CFAP74: variants seen among roughly 807,000 people sequenced by gnomAD.
CFAP74 encodes cilia and flagella associated protein 74.
A neutral mutation model predicts 188.9 loss-of-function variants in CFAP74; 124 were observed. The observed-to-expected ratio is 0.66, with a 90% CI of 0.57 to 0.76. The LOEUF (loss-of-function observed/expected upper bound fraction) is 0.76. Among genes scored for constraint, CFAP74 ranks in the 30% least tolerant of loss-of-function variants. The probability of loss-of-function intolerance (pLI) is 0.00; values close to 1 mark genes in which losing one functional copy is unlikely to be tolerated. For missense variants in CFAP74, 2,198 were observed against 2,165.2 expected (o/e 1.02, Z -0.30); for synonymous variants, 956 against 916.7 (o/e 1.04, Z -0.77).
At chr1:1,971,381 G>A (rs1214499157) in intron 9 of CFAP74, among the ~76,000 whole-genome samples, 1 of 150,610 alleles carries the variant, frequency 6.6e-6, no homozygotes, top group Non-Finnish European at 1.5e-5. Context: ...GGTCACACAT[G>A]CACACACGTG....
At chr1:1,931,156 A>G (rs879457045) in intron 25 of CFAP74, among the ~76,000 whole-genome samples, 1 of 152,220 alleles carries the variant, frequency 6.6e-6, no homozygotes, top group Non-Finnish European at 1.5e-5. Flanking sequence ...AAAGGCTGGC[A>G]TGGTGGCTCA....
chr1:1,944,595 A>T (rs1653622273), intron 20 of CFAP74, 143 bp from the exon 21 acceptor site: 6 of 807,710 alleles, frequency 7.4e-6, no homozygotes, highest in Non-Finnish European at 1.1e-5. Flanking sequence ...CACTTTTCAT[A>T]TCATATCATT....
At chr1:1,991,995 G>C (rs375610792) in intron 1 of CFAP74, among the ~76,000 whole-genome samples, 1 of 150,062 alleles carries the variant, frequency 6.7e-6, no homozygotes, top group Non-Finnish European at 1.5e-5. Flanking sequence ...AGCCGAGATC[G>C]CGCCACTGCA....
chr1:1,995,364 TC>T lies in CFAP74; in HGVS notation c.-19-4390del, dbSNP rs961179824. Reference sequence around the variant, plus strand: ...AAAATTAGCCGGGCGTGATGGCGCATCCCTGTAATCCCAGCTACTTAGGAGG... The same window carrying T: ...AAAATTAGCCGGGCGTGATGGCGCATCCTGTAATCCCAGCTACTTAGGAGG... On this transcript the variant is annotated intron_variant, in intron 1 of 38. Coordinates refer to ENST00000682832, the MANE Select transcript of CFAP74 (RefSeq NM_001304360.2). Among the ~76,000 whole-genome samples, 10 of 151,384 alleles carry T rather than the reference TC, an allele frequency of 6.6e-5. 2 individuals are homozygous for T.
chr1:1,955,006 A>G (rs1654455389), intron 18 of CFAP74: 1 of 1,124,424 alleles, frequency 8.9e-7, no homozygotes, highest in Non-Finnish European at 1.1e-6. Context: ...AACGCCACGC[A>G]GTGGTGAGGA....
chr1:1,960,124 GCCT>G lies in CFAP74; in HGVS notation c.1695-97_1695-95del. 4 of 1,088,570 alleles carry G rather than the reference GCCT, an allele frequency of 3.7e-6. No individual in the cohort carries two copies. The South Asian group carries it at 5.6e-5, about 15-fold the overall frequency. 67.4% of individuals were successfully genotyped at this position (1,088,570 alleles called of 1,614,324 possible). On this transcript the variant is annotated intron_variant, in intron 14 of 38. Transcript: ENST00000682832. Reference sequence around the variant, plus strand: ...GAGCACAGTCAGGCTGGGCCTCCTGGCCTCCTCCCCATCCCGGGCCTGGCCCCC... The same window carrying G: ...GAGCACAGTCAGGCTGGGCCTCCTGGCCTCCCCATCCCGGGCCTGGCCCCC...
At chr1:1,956,809 C>T (rs1234863085) in intron 16 of CFAP74, 25 bp from the exon 17 acceptor site, 1 of 1,606,432 alleles carries the variant, frequency 6.2e-7, no homozygotes, top group Admixed American at 1.7e-5. Context: ...GGAGTGAACT[C>T]AGGGCCACCG....
In CFAP74 at chr1:1,970,783, C is replaced by G; in HGVS notation, c.922G>C (p.Ala308Pro). Residue 308 changes from alanine to proline, a missense_variant, in exon 10 of 39, where the codon GCC (alanine) becomes CCC (proline). Ala to Pro is a conservative substitution (Grantham distance 27). Transcript: ENST00000682832. ...CTCTGCTCCGCCAGCTCTGCCTTGG[C>G]ACGGTCCCATGCTTGGAACTTCCGC... is the stretch of plus-strand genomic sequence containing the variant. ...TLRKFQAWDRAKAELAEQRVQ... is the reference protein window; with the variant it reads ...TLRKFQAWDRPKAELAEQRVQ... 1.2e-6 allele frequency: 2 copies of G among 1,614,182 alleles called. No individual in the cohort carries two copies. The highest frequency in any genetic ancestry group is 1.7e-6 in the Non-Finnish European group (2 of 1,180,010).
At position 1,944,280 on chromosome 1, in the gene CFAP74, T is replaced by C. The variant is rs1653595818; in HGVS notation, c.2486+51A>G. On this transcript the variant is annotated intron_variant, in intron 21 of 38. Transcript: ENST00000682832. ...CGCGTGTGCACAGGCAGGCAGCGGC[T>C]CACCCCGTGTGCGTGGGTCACCCCG... 3.3e-6 allele frequency: 5 copies of C among 1,514,930 alleles called. No individual in the cohort carries two copies. In the East Asian group the frequency reaches 1.2e-4, roughly 38 times the overall value. 93.8% of individuals were successfully genotyped at this position (1,514,930 alleles called of 1,614,324 possible).
At chr1:1,985,361 C>T (rs1657166484) in intron 6 of CFAP74, 25 bp downstream of exon 6, 2 of 1,596,206 alleles carry the variant, frequency 1.3e-6, no homozygotes, top group African/African-American at 1.3e-5. Flanking sequence ...TGCCTGCTGC[C>T]AGTCCCGGCT....
chr1:1,974,741 C>T (rs1010885974), intron 6 of CFAP74, among the ~76,000 whole-genome samples: 12 of 152,352 alleles, frequency 7.9e-5, no homozygotes, highest in Admixed American at 2.0e-4. Flanking sequence ...GTGAGTGTGG[C>T]GTCTGTGGTG....
Position 1,923,828 on chromosome 1 carries a change from C to A in CFAP74, c.4336G>T (p.Asp1446Tyr). 1 of 1,613,446 alleles carries A rather than the reference C, an allele frequency of 6.2e-7. No homozygotes were observed. Among genetic ancestry groups the A allele is most frequent in the Non-Finnish European group, 8.5e-7 (1 of 1,179,824 alleles). Reference protein sequence around the residue: ...TQDFTVTFSPDHESLYFSDKL... With the variant: ...TQDFTVTFSPYHESLYFSDKL... ...TCGGAGAAGTAGAGGCTTTCGTGGT[C>A]GGGGCTGAAGGTGACAGTGAAGTCT... is the stretch of plus-strand genomic sequence containing the variant. The change falls in exon 35 of 39, where the codon GAC becomes TAC. Residue 1446 changes from aspartate to tyrosine, a missense_variant. Physicochemically the swap from Asp to Tyr is radical, Grantham distance 160. Transcript: ENST00000682832. This position sits in a 1 kb window ranked among gnomAD's most constrained non-coding sequence, Gnocchi z 6.3.
At position 1,986,948 on chromosome 1, in the gene CFAP74, C is replaced by T. The variant is rs760197733; in HGVS notation, c.384G>A (p.Glu128=). Residue 128 remains glutamate, a synonymous_variant, in exon 5 of 39, where the codon GAG becomes GAA. Coordinates refer to ENST00000682832, the MANE Select transcript of CFAP74 (RefSeq NM_001304360.2). ...CGAGGGCCACCTACATGTTGCCCGCCTCTTCCTCTGTGGCGATCTCGGCTG... is the reference window on the plus strand; with the variant it reads ...CGAGGGCCACCTACATGTTGCCCGCTTCTTCCTCTGTGGCGATCTCGGCTG... The part of the protein sequence containing the change: ...AVAAEIATEE[E]AGNMAAVGRL... The T allele has an allele frequency of 5.4e-5, 86 of 1,601,646 alleles. No individual in the cohort carries two copies. Among genetic ancestry groups the T allele is most frequent in the Non-Finnish European group, 7.1e-5 (84 of 1,179,594 alleles).
At position 1,930,401 on chromosome 1, in the gene CFAP74, C is replaced by T. The variant is rs956362279; in HGVS notation, c.3012-65G>A. On this transcript the variant is annotated intron_variant, in intron 25 of 38. Transcript: ENST00000682832. ...CGTCCGTGTCCCTCTGCGGCAGGCG[C>T]GGGGGCCACTGGGTGGAGGACAAGC... 36 of 1,436,812 alleles carry T rather than the reference C, an allele frequency of 2.5e-5. No individual in the cohort carries two copies. In the East Asian group the frequency reaches 3.8e-4, roughly 15 times the overall value. 89.0% of individuals were successfully genotyped at this position (1,436,812 alleles called of 1,614,324 possible). A position where few individuals can be genotyped will look rare whatever the true frequency, so the allele number is the denominator to read the frequency against.
At chr1:1,963,662 T>C in intron 14 of CFAP74, 87 bp downstream of exon 14, 2 of 814,206 alleles carry the variant, frequency 2.5e-6, no homozygotes, top group South Asian at 3.2e-5. Context: ...ATATAGAGCC[T>C]GTTCCAGCCG....
intron 1 of CFAP74, among the ~76,000 whole-genome samples, chr1:1,992,121 G>A (rs116166669): frequency 0.013 from 1,924 of 152,156 alleles, 39 homozygotes; most frequent in African/African-American, 0.044. Context: ...ATCGTCACGC[G>A]TTGCTGGTGG....
intron 18 of CFAP74, among the ~76,000 whole-genome samples, chr1:1,952,146 T>C (rs943013879): frequency 2.6e-5 from 4 of 151,922 alleles, no homozygotes. Flanking sequence ...AGAGATGGGG[T>C]TTCACCTTGT....
At chr1:1,954,755 C>A in intron 18 of CFAP74, 1 of 1,052,298 alleles carries the variant, frequency 9.5e-7, no homozygotes, top group Non-Finnish European at 1.2e-6. Flanking sequence ...TGCACTCCAG[C>A]CTAGGCGACA....
At chr1:1,947,435 G>A (rs976271814) in intron 18 of CFAP74, among the ~76,000 whole-genome samples, 13 of 152,316 alleles carry the variant, frequency 8.5e-5, no homozygotes, top group South Asian at 2.1e-4. Context: ...TAGCTGTAGC[G>A]TACTGTTCCC....
Sources: gnomAD v4.1 joint callset for allele counts (sites outside exome capture counted in the v4.1 genomes callset) on GRCh38, gnomAD v4.1.1 for gene constraint, Gnocchi (gnomAD v3.1) non-coding constraint, MANE v1.5 for transcripts, NCBI Gene and HGNC (gene_info 2026-07-23, HGNC 2026-07-21) for gene names.